The following MTAP variants were observed in gnomAD, a reference collection of about 807,000 sequenced individuals.
MTAP encodes the protein S-methyl-5'-thioadenosine phosphorylase.
MTAP carries 33 observed loss-of-function variants against 33.6 expected under a neutral mutation model. The ratio of observed to expected loss-of-function variants is 0.98; its 90% confidence interval spans 0.74 to 1.31. The LOEUF (loss-of-function observed/expected upper bound fraction) is 1.31. Among genes scored for constraint, MTAP ranks in the 40% most tolerant of loss-of-function variants. The pLI, the probability that MTAP is intolerant of heterozygous loss-of-function variation, is 0.00. For synonymous variants in MTAP, 148 were observed against 125.7 expected (o/e 1.18, Z -1.19); for missense variants, 367 against 360.0 (o/e 1.02, Z -0.16).
In MTAP at chr9:21,804,578, T is replaced by C. The variant is rs142367020; in HGVS notation, c.33+1797T>C. Among the ~76,000 whole-genome samples the C allele has an allele frequency of 7.9e-5, 12 of 152,320 alleles. No homozygotes were observed. The East Asian group carries it at 2.1e-3, about 27-fold the overall frequency. On this transcript the variant is annotated intron_variant, in intron 1 of 7. Transcript: ENST00000644715. The stretch of plus-strand genomic sequence containing the variant: ...CTTTTAATTTAGAACAGATGACAGC[T>C]TTGCCGTAGAGATTCCATGATGCCA...
chr9:21,859,136 C>A, intron 6 of MTAP, 167 bp from the exon 7 acceptor site: 1 of 940,166 alleles, frequency 1.1e-6, no homozygotes, highest in Non-Finnish European at 1.5e-6. Context: ...AATTGCCTCC[C>A]AAATGCCCAA....
chr9:21,813,090 A>T (rs892068517), intron 1 of MTAP, among the ~76,000 whole-genome samples: 9 of 152,242 alleles, frequency 5.9e-5, no homozygotes, highest in Non-Finnish European at 1.0e-4. Flanking sequence ...TAGAGACTCA[A>T]AGGAATGTGG....
chr9:21,863,946 TTA>T lies in MTAP; in HGVS notation c.*1934_*1935del. On this transcript the variant is annotated 3_prime_UTR_variant, in exon 8 of 8. Coordinates refer to ENST00000644715, the MANE Select transcript of MTAP (RefSeq NM_002451.4). ...ATGTAGTATTAAATTTCAACTCTGG[TTA>T]TCCATTAGCAATCTGTAGAGAACTT... 1 of 985,864 alleles carries T rather than the reference TTA, an allele frequency of 1.0e-6. No homozygotes were observed. The highest frequency in any genetic ancestry group is 1.2e-6 in the Non-Finnish European group (1 of 829,940). The allele number at this position is 985,864 out of a possible 1,614,324, so 61.1% of individuals were successfully genotyped here.
At chr9:21,903,444 A>G (rs1425290409) in intron 1 of MTAP, among the ~76,000 whole-genome samples, 1 of 152,114 alleles carries the variant, frequency 6.6e-6, no homozygotes, top group Non-Finnish European at 1.5e-5. Context: ...TTGTTGGGAG[A>G]AGAAAGTCCT....
downstream of MTAP, among the ~76,000 whole-genome samples, chr9:21,870,023 C>T (rs1332479324): frequency 6.6e-6 from 1 of 152,208 alleles, no homozygotes; most frequent in Non-Finnish European, 1.5e-5. Flanking sequence ...CACCAGGCCC[C>T]CTCCTGCCTT....
chr9:21,809,113 T>C (rs1177633985), intron 1 of MTAP: 1 of 152,276 alleles, frequency 6.6e-6, no homozygotes, highest in Non-Finnish European at 1.5e-5. Flanking sequence ...TCCCCTTTTC[T>C]CTCCCTCTGC....
rs770464905 is a variant in MTAP at position 21,862,059 on chromosome 9, T to C, written c.*45T>C. On this transcript the variant is annotated 3_prime_UTR_variant, in exon 8 of 8. Coordinates refer to ENST00000644715, the MANE Select transcript of MTAP (RefSeq NM_002451.4). ...AGAAAAGAAGACATTCTAATTCCAGTCATTTTGGGAATTCCTGCTTAACTT... is the reference window on the plus strand; with the variant it reads ...AGAAAAGAAGACATTCTAATTCCAGCCATTTTGGGAATTCCTGCTTAACTT... 26 of 1,609,158 alleles carry C rather than the reference T, an allele frequency of 1.6e-5. No homozygotes were observed. In the South Asian group the frequency reaches 2.6e-4, roughly 16 times the overall value.
Position 21,909,675 on chromosome 9 carries a change from A to T in MTAP, c.148-21333A>T, listed in dbSNP as rs192199566. On this transcript the variant is annotated intron_variant, in intron 1 of 1. Transcript: ENST00000577563. Reference sequence around the variant, plus strand: ...GGCCTGAAAAGGGAGAGAAAGATTAATGGTAAGTATTAAAATAACTGTGCT... The same window carrying T: ...GGCCTGAAAAGGGAGAGAAAGATTATTGGTAAGTATTAAAATAACTGTGCT... 1.2e-4 allele frequency among the ~76,000 whole-genome samples: 19 copies of T among 152,296 alleles called. No individual in the cohort carries two copies. In the East Asian group the frequency reaches 3.7e-3, roughly 29 times the overall value.
rs79054071 is a variant in MTAP, at chr9:21,861,412, T to G, written c.814-564T>G. On this transcript the variant is annotated intron_variant, in intron 7 of 7. Coordinates refer to ENST00000644715, the MANE Select transcript of MTAP (RefSeq NM_002451.4). ...GAGGAATTCCTGCTCTAGACAAAAC[T>G]GAGAATCTTGGTCTTCATGCTACAG... 6.0e-3 allele frequency: 922 copies of G among 152,934 alleles called. 22 individuals are homozygous for G. Among genetic ancestry groups the G allele is most frequent in the East Asian group, 0.055 (282 of 5,172 alleles). The allele number at this position is 152,934 out of a possible 1,614,324, so 9.5% of individuals were successfully genotyped here.
rs1486731311 is a variant in MTAP at position 21,920,517 on chromosome 9, A to G, written c.148-10491A>G. ...TTTAAGGAAAGACTGTAAAATTTTTATTTTCCCAGATTTTACCAACAAAAA... is the reference window on the plus strand; with the variant it reads ...TTTAAGGAAAGACTGTAAAATTTTTGTTTTCCCAGATTTTACCAACAAAAA... On this transcript the variant is annotated intron_variant, in intron 1 of 1. Transcript: ENST00000577563. Among the ~76,000 whole-genome samples, 11 of 152,090 alleles carry G rather than the reference A, an allele frequency of 7.2e-5. No individual in the cohort carries two copies. The East Asian group carries it at 2.1e-3, about 29-fold the overall frequency.
At chr9:21,878,244 G>T (rs1826038869) in intron 1 of MTAP, among the ~76,000 whole-genome samples, 1 of 151,690 alleles carries the variant, frequency 6.6e-6, no homozygotes. Flanking sequence ...GATATTCTCT[G>T]TTTTTCTTTA....
intron 5 of MTAP, among the ~76,000 whole-genome samples, chr9:21,838,558 T>C (rs568016916): frequency 1.6e-4 from 25 of 152,370 alleles, no homozygotes; most frequent in African/African-American, 5.0e-4. Context: ...ATTACTATTA[T>C]TGATCTTCTA....
At chr9:21,807,170 A>C (rs1474819740) in intron 1 of MTAP, among the ~76,000 whole-genome samples, 1 of 152,192 alleles carries the variant, frequency 6.6e-6, no homozygotes, top group African/African-American at 2.4e-5. Flanking sequence ...TCTCAAAATA[A>C]TAATAATAAT....
Position 21,864,936 on chromosome 9 carries a change from C to T in MTAP, c.*2922C>T. Reference sequence around the variant, plus strand: ...TTCATTCTTGTGACAGTGGCCTGAACATGTTTTTAATTTTCTCAACAAGCA... The same window carrying T: ...TTCATTCTTGTGACAGTGGCCTGAATATGTTTTTAATTTTCTCAACAAGCA... On this transcript the variant is annotated 3_prime_UTR_variant, in exon 8 of 8. Coordinates refer to ENST00000644715, the MANE Select transcript of MTAP (RefSeq NM_002451.4). 9 of 985,458 alleles carry T rather than the reference C, an allele frequency of 9.1e-6. No homozygotes were observed. Among genetic ancestry groups the T allele is most frequent in the Non-Finnish European group, 1.1e-5 (9 of 829,942 alleles). The allele number at this position is 985,458 out of a possible 1,614,324, so 61.0% of individuals were successfully genotyped here.
At chr9:21,835,223 T>A (rs1476320656) in intron 4 of MTAP, among the ~76,000 whole-genome samples, 11 of 152,168 alleles carry the variant, frequency 7.2e-5, no homozygotes, top group Admixed American at 7.2e-4. Flanking sequence ...TCCAAAAGGC[T>A]CCATCTCCTA....
At chr9:21,854,940 T>A (rs1163459167) in intron 6 of MTAP, 70 bp downstream of exon 6, 3 of 1,552,668 alleles carry the variant, frequency 1.9e-6, no homozygotes, top group East Asian at 2.3e-5. Flanking sequence ...CTTAACTGTT[T>A]GTTTCTATTA....
intron 1 of MTAP, among the ~76,000 whole-genome samples, chr9:21,914,792 A>AT (rs112601339): frequency 0.02 from 3,024 of 151,828 alleles, 70 homozygotes; most frequent in East Asian, 0.056. Flanking sequence ...AATAAAAAAA[A>AT]AATAATAAAC....
At chr9:21,809,817 T>C (rs1253907504) in intron 1 of MTAP, among the ~76,000 whole-genome samples, 1 of 152,160 alleles carries the variant, frequency 6.6e-6, no homozygotes, top group African/African-American at 2.4e-5. Flanking sequence ...TGTCCTAGTA[T>C]CCAGCAGCTG....
At position 21,866,641 on chromosome 9, in the gene MTAP, T is replaced by C. The variant is rs931513164; in HGVS notation, c.*4627T>C. On this transcript the variant is annotated 3_prime_UTR_variant, in exon 8 of 8. Coordinates refer to ENST00000644715, the MANE Select transcript of MTAP (RefSeq NM_002451.4). ...CAGTACCCCACTGTCTTGATTATTG[T>C]GGCTTTATGGTGTCTTGAAATTAAG... 6.6e-6 allele frequency: 1 copy of C among 152,192 alleles called. No individual in the cohort carries two copies. The highest frequency in any genetic ancestry group is 1.9e-4 in the East Asian group (1 of 5,208). The allele number at this position is 152,192 out of a possible 1,614,324, so 9.4% of individuals were successfully genotyped here. A position where few individuals can be genotyped will look rare whatever the true frequency, so the allele number is the denominator to read the frequency against.
Sources: allele counts gnomAD v4.1 joint callset (sites outside exome capture counted in the v4.1 genomes callset), GRCh38; gene constraint gnomAD v4.1.1; transcripts MANE v1.5; gene names NCBI Gene and HGNC (gene_info 2026-07-23, HGNC 2026-07-21).